Variants in ST8SIA1 observed in about 807,000 individuals in gnomAD.
ST8SIA1 encodes ST8 alpha-N-acetyl-neuraminide alpha-2,8-sialyltransferase 1.
ST8SIA1 carries 16 observed loss-of-function variants against 35.9 expected under a neutral mutation model. That is an observed-to-expected ratio of 0.45 (90% CI 0.30 to 0.68). ST8SIA1 has a LOEUF of 0.68. Ranked by LOEUF, ST8SIA1 falls within the 30% of genes least tolerant of loss-of-function variation. The pLI is 0.09. For synonymous variants in ST8SIA1, 170 were observed against 169.6 expected, an observed-to-expected ratio of 1.00 and a Z score of -0.02; for missense variants, 383 against 453.6, an observed-to-expected ratio of 0.84 and a Z score of 1.41.
intron 3 of ST8SIA1, 88 bp from the exon 4 acceptor site, chr12:22,249,186 C>G: frequency 1.2e-6 from 1 of 841,178 alleles, no homozygotes; most frequent in Non-Finnish European, 1.9e-6. Flanking sequence ...GTTATTAATT[C>G]TAGCTGAATT....
At chr12:22,210,110 C>T (rs1865161083) in intron 4 of ST8SIA1, among the ~76,000 whole-genome samples, 1 of 152,034 alleles carries the variant, frequency 6.6e-6, no homozygotes, top group Admixed American at 6.6e-5. Context: ...AATGACATAA[C>T]TCTAATTTAC....
chr12:22,244,496 C>T (rs748881971), intron 4 of ST8SIA1, among the ~76,000 whole-genome samples: 4 of 152,030 alleles, frequency 2.6e-5, no homozygotes, highest in African/African-American at 4.8e-5. Flanking sequence ...CTGTCTCACT[C>T]GACAGACTTC....
chr12:22,246,897 G>A (rs1464970212), intron 4 of ST8SIA1, among the ~76,000 whole-genome samples: 1 of 152,178 alleles, frequency 6.6e-6, no homozygotes, highest in Non-Finnish European at 1.5e-5. Context: ...ACACAGCAAT[G>A]TCAACTAAAT....
At chr12:22,264,672 C>A (rs925188677) in intron 2 of ST8SIA1, among the ~76,000 whole-genome samples, 8 of 151,772 alleles carry the variant, frequency 5.3e-5, no homozygotes, top group Non-Finnish European at 1.0e-4. Flanking sequence ...TTATTAAACC[C>A]TTTAAAAAAC....
At chr12:22,228,220 T>G (rs953190980) in intron 4 of ST8SIA1, among the ~76,000 whole-genome samples, 1 of 152,222 alleles carries the variant, frequency 6.6e-6, no homozygotes, top group Non-Finnish European at 1.5e-5. Flanking sequence ...GGATTTTCTG[T>G]GTTTCTTTGC....
intron 1 of ST8SIA1, among the ~76,000 whole-genome samples, chr12:22,293,754 T>C (rs1446636396): frequency 6.6e-6 from 1 of 152,208 alleles, no homozygotes; most frequent in Non-Finnish European, 1.5e-5. Flanking sequence ...TTTCTGGCCA[T>C]AATTTTTAAT....
chr12:22,271,485 C>T (rs1565583152), intron 2 of ST8SIA1, among the ~76,000 whole-genome samples: 1 of 152,146 alleles, frequency 6.6e-6, no homozygotes. Context: ...GAGGATTCTG[C>T]CACTTCCAAT....
intron 1 of ST8SIA1, among the ~76,000 whole-genome samples, chr12:22,299,189 A>C (rs1866286098): frequency 6.6e-6 from 1 of 152,196 alleles, no homozygotes. Context: ...TTTCCAATAA[A>C]AATATATTGT....
rs575856866 is a variant in ST8SIA1 at position 22,227,467 on chromosome 12, G to A, written c.584+21539C>T. Among the ~76,000 whole-genome samples, 17 of 152,030 alleles carry A rather than the reference G, an allele frequency of 1.1e-4. No individual in the cohort carries two copies. In the East Asian group the frequency reaches 2.0e-3, roughly 18 times the overall value. On this transcript the variant is annotated intron_variant, in intron 4 of 4. Coordinates refer to ENST00000396037, the MANE Select transcript of ST8SIA1 (RefSeq NM_003034.4). ...TGGGCGCCTGTAATCCCAGCTACTC[G>A]GGAGGCTGAGGCAGGAGAATTGCTG...
At chr12:22,243,291 T>C (rs1353737641) in intron 4 of ST8SIA1, among the ~76,000 whole-genome samples, 2 of 152,190 alleles carry the variant, frequency 1.3e-5, no homozygotes, top group Non-Finnish European at 2.9e-5. Flanking sequence ...ACAAGTTTAA[T>C]TTTTCATCAC....
intron 2 of ST8SIA1, among the ~76,000 whole-genome samples, chr12:22,265,876 A>C (rs1865842014): frequency 6.6e-6 from 1 of 152,088 alleles, no homozygotes; most frequent in South Asian, 2.1e-4. Context: ...AGCTAGTGCA[A>C]ATCACTTTTC....
chr12:22,259,148 G>A (rs894265503), intron 2 of ST8SIA1, among the ~76,000 whole-genome samples: 2 of 151,978 alleles, frequency 1.3e-5, no homozygotes, highest in Non-Finnish European at 2.9e-5. Context: ...TAGATTTCAC[G>A]GTTTCTGTAG....
intron 4 of ST8SIA1, among the ~76,000 whole-genome samples, chr12:22,206,280 A>G (rs980493506): frequency 2.0e-5 from 3 of 152,228 alleles, no homozygotes; most frequent in Admixed American, 6.5e-5. Context: ...AAAGGAAACC[A>G]GAGCATGAAG....
chr12:22,272,033 A>G (rs1865916594), intron 2 of ST8SIA1, among the ~76,000 whole-genome samples: 1 of 152,194 alleles, frequency 6.6e-6, no homozygotes, highest in Non-Finnish European at 1.5e-5. Context: ...TACATCTTAT[A>G]AATCCTTACC....
intron 1 of ST8SIA1, among the ~76,000 whole-genome samples, chr12:22,332,429 T>C (rs1866779516): frequency 6.6e-6 from 1 of 152,220 alleles, no homozygotes; most frequent in African/African-American, 2.4e-5. Context: ...AAATGGACTC[T>C]TTCATTGCAA....
intron 4 of ST8SIA1, among the ~76,000 whole-genome samples, chr12:22,229,317 T>C (rs1461510193): frequency 2.0e-5 from 3 of 151,916 alleles, no homozygotes. Flanking sequence ...AATGAGGATG[T>C]ACAAGAATGA....
At chr12:22,211,690 A>C (rs937381596) in intron 4 of ST8SIA1, among the ~76,000 whole-genome samples, 1 of 152,158 alleles carries the variant, frequency 6.6e-6, no homozygotes, top group Non-Finnish European at 1.5e-5. Context: ...AAAGTAAACC[A>C]GTTGTGATTT....
intron 4 of ST8SIA1, among the ~76,000 whole-genome samples, chr12:22,203,191 A>G (rs889930379): frequency 1.9e-4 from 29 of 152,198 alleles, no homozygotes; most frequent in African/African-American, 5.3e-4. Flanking sequence ...AGTTAAAAAA[A>G]AGAGAGAGAG....
intron 1 of ST8SIA1, among the ~76,000 whole-genome samples, chr12:22,301,334 G>A (rs949758896): frequency 1.3e-5 from 2 of 151,890 alleles, no homozygotes; most frequent in African/African-American, 4.8e-5. Context: ...GGTATTAACT[G>A]CACAGACTAA....
Sources: gnomAD v4.1 joint callset for allele counts (sites outside exome capture counted in the v4.1 genomes callset) on GRCh38, gnomAD v4.1.1 for gene constraint, MANE v1.5 for transcripts, NCBI Gene and HGNC (gene_info 2026-07-23, HGNC 2026-07-21) for gene names.